Variants in PIR observed in about 807,000 individuals in gnomAD.
The protein encoded by PIR is pirin (iron-binding nuclear protein).
Under a neutral mutation model 24.2 loss-of-function variants are expected in PIR, and 22 were observed. The ratio of observed to expected loss-of-function variants is 0.91; its 90% CI spans 0.65 to 1.30. The LOEUF (loss-of-function observed/expected upper bound fraction) is 1.30, where lower values mean the gene tolerates loss of function less well. Among genes scored for constraint, PIR ranks in the 50% most tolerant of loss-of-function variants. The probability of loss-of-function intolerance (pLI) is 0.00; values close to 1 mark genes in which losing one functional copy is unlikely to be tolerated. For missense variants in PIR, 220 were observed against 220.3 expected (o/e 1.00, Z 0.01); for synonymous variants, 80 against 79.6 (o/e 1.00, Z -0.03).
intron 9 of PIR, among the ~76,000 whole-genome samples, chrX:15,389,035 C>T (rs1273618820): frequency 9.0e-6 from 1 of 111,142 alleles, no homozygotes; most frequent in Non-Finnish European, 1.9e-5. Flanking sequence ...TGAGCAGTCC[C>T]ACTCCTTTGA....
rs142268766 is a variant in PIR, at chrX:15,457,270, A to C, written c.274-1216T>G. Among the ~76,000 whole-genome samples the C allele has an allele frequency of 1.9e-3, 211 of 111,302 alleles. 1 individual carries two copies. The highest frequency in any genetic ancestry group is 6.6e-3 in the African/African-American group (203 of 30,561). On this transcript the variant is annotated intron_variant, in intron 4 of 9. Transcript: ENST00000380420. Reference sequence around the variant, plus strand: ...TCACTGACACATATGGTCTGCCCACATATGGTCAGTGAGGGCTGGAGAAAG... The same window carrying C: ...TCACTGACACATATGGTCTGCCCACCTATGGTCAGTGAGGGCTGGAGAAAG...
intron 3 of PIR, among the ~76,000 whole-genome samples, chrX:15,476,378 G>T (rs748418713): frequency 1.1e-4 from 12 of 111,914 alleles, no homozygotes; most frequent in Non-Finnish European, 1.9e-4. Context: ...TGAGGACCTT[G>T]ATCCTGATAA....
intron 4 of PIR, among the ~76,000 whole-genome samples, chrX:15,458,872 C>T (rs917908819): frequency 1.8e-5 from 2 of 112,551 alleles, no homozygotes; most frequent in African/African-American, 6.5e-5. Flanking sequence ...TCTTTGCAAG[C>T]AGTCTTCATT....
chrX:15,396,622 T>C (rs3829995), intron 8 of PIR, among the ~76,000 whole-genome samples: 53,814 of 110,156 alleles, frequency 0.49, 9,917 homozygotes, highest in Non-Finnish European at 0.58. Flanking sequence ...AACCTGGAAA[T>C]TTGGGAATAA....
At chrX:15,458,193 A>T (rs1255695825) in intron 4 of PIR, among the ~76,000 whole-genome samples, 1 of 111,785 alleles carries the variant, frequency 8.9e-6, no homozygotes, top group African/African-American at 3.3e-5. Context: ...GCAATACTTT[A>T]CCTAAAATGG....
In PIR at chrX:15,404,281, G is replaced by A. The variant is rs191410311; in HGVS notation, c.610+3225C>T. On this transcript the variant is annotated intron_variant, in intron 7 of 9. Coordinates refer to ENST00000380420, the MANE Select transcript of PIR (RefSeq NM_001018109.3). ...CTCCCAAAGTGCTGGGATTACAGGCGTGAACCACCATGCCCGGCTGTGGAG... is the reference window on the plus strand; with the variant it reads ...CTCCCAAAGTGCTGGGATTACAGGCATGAACCACCATGCCCGGCTGTGGAG... Among the ~76,000 whole-genome samples, 471 of 112,280 alleles carry A rather than the reference G, an allele frequency of 4.2e-3. 2 individuals carry two copies. Among genetic ancestry groups the A allele is most frequent in the African/African-American group, 0.015 (455 of 30,906 alleles).
At chrX:15,487,292 T>C (rs1051394374) in intron 2 of PIR, among the ~76,000 whole-genome samples, 60 of 109,736 alleles carry the variant, frequency 5.5e-4, no homozygotes, top group African/African-American at 2.0e-3. Flanking sequence ...TTGATGATAT[T>C]AAGGGATTTT....
chrX:15,451,372 G>T (rs1333353718), intron 5 of PIR, among the ~76,000 whole-genome samples: 14 of 108,555 alleles, frequency 1.3e-4, no homozygotes, highest in African/African-American at 4.7e-4. Flanking sequence ...AGAACAATTT[G>T]GGTCCTGCAA....
rs768819532 is a variant in PIR at position 15,455,894 on chromosome X, T to C, written c.434A>G (p.Asp145Gly). The change falls in exon 5 of 10, where the codon GAT becomes GGT. Residue 145 changes from aspartate (D) to glycine (G), a missense_variant. By Grantham distance (94) the Asp-to-Gly change is moderately conservative. Coordinates refer to ENST00000380420, the MANE Select transcript of PIR (RefSeq NM_001018109.3). ...AGAAATGACAGCAACTGTCACACCA[T>C]CCTTACTGGGTTTAGGGATTTCTTC... ...KSEEIPKPSKDGVTVAVISGE... is the reference protein window; with the variant it reads ...KSEEIPKPSKGGVTVAVISGE... The C allele has an allele frequency of 1.9e-5, 23 of 1,210,888 alleles. No individual in the cohort carries two copies. The highest frequency in any genetic ancestry group is 2.5e-5 in the Non-Finnish European group (22 of 894,618).
intron 6 of PIR, among the ~76,000 whole-genome samples, chrX:15,408,857 A>G (rs1924633627): frequency 8.9e-6 from 1 of 111,958 alleles, no homozygotes; most frequent in Non-Finnish European, 1.9e-5. Context: ...TATGACTGTC[A>G]TGGCAGATGG....
chrX:15,439,755 A>G (rs1925855645), intron 5 of PIR, among the ~76,000 whole-genome samples: 1 of 112,324 alleles, frequency 8.9e-6, no homozygotes, highest in Non-Finnish European at 1.9e-5. Context: ...AAAGCTCAAA[A>G]CAAATTTCCC....
chrX:15,423,216 G>T (rs1925195276), intron 6 of PIR, among the ~76,000 whole-genome samples: 1 of 107,349 alleles, frequency 9.3e-6, no homozygotes, highest in African/African-American at 3.4e-5. Context: ...CATTGGACTG[G>T]ACAAAGATAT....
At chrX:15,450,943 C>T (rs985807171) in intron 5 of PIR, among the ~76,000 whole-genome samples, 4 of 111,416 alleles carry the variant, frequency 3.6e-5, no homozygotes, top group African/African-American at 9.8e-5. Flanking sequence ...CAGGAAAAAT[C>T]GTGTGTGTGC....
chrX:15,416,431 C>T (rs1924918994), intron 6 of PIR, among the ~76,000 whole-genome samples: 1 of 111,369 alleles, frequency 9.0e-6, no homozygotes, highest in South Asian at 3.7e-4. Context: ...ACGCATTTTT[C>T]GAGGTTTACT....
intron 5 of PIR, among the ~76,000 whole-genome samples, chrX:15,439,186 A>T: frequency 8.9e-6 from 1 of 112,250 alleles, no homozygotes; most frequent in Non-Finnish European, 1.9e-5. Context: ...TAAAGAACTC[A>T]GAACTTCACT....
chrX:15,430,588 CACAAAACAACCAAG>C (rs2147035979), intron 5 of PIR, among the ~76,000 whole-genome samples: 1 of 111,400 alleles, frequency 9.0e-6, no homozygotes, highest in East Asian at 2.8e-4. Context: ...CAATAATGAC[CACAAAACAACCAAG>C]ACAAAACAAG....
chrX:15,487,683 C>T (rs1040521791), intron 2 of PIR, among the ~76,000 whole-genome samples: 3 of 112,170 alleles, frequency 2.7e-5, no homozygotes, highest in African/African-American at 9.7e-5. Flanking sequence ...ACAGAGGAAC[C>T]ACTCCCTAGC....
chrX:15,430,898 A>G (rs184050473), intron 5 of PIR, among the ~76,000 whole-genome samples: 49 of 111,918 alleles, frequency 4.4e-4, no homozygotes, highest in Middle Eastern at 4.6e-3. Context: ...TTGACAGATA[A>G]CTGCTGCCCA....
At chrX:15,474,780 C>T (rs986200509) in intron 3 of PIR, among the ~76,000 whole-genome samples, 2 of 111,962 alleles carry the variant, frequency 1.8e-5, no homozygotes, top group African/African-American at 6.5e-5. Context: ...GAGTTTCATT[C>T]TTATTTTATT....
Sources: gnomAD v4.1 joint callset for allele counts (sites outside exome capture counted in the v4.1 genomes callset) on GRCh38, gnomAD v4.1.1 for gene constraint, MANE v1.5 for transcripts, NCBI Gene and HGNC (gene_info 2026-07-23, HGNC 2026-07-21) for gene names.